Variants in NPAS3 observed in about 807,000 individuals in gnomAD.
NPAS3 encodes neuronal PAS domain-containing protein 3.
A neutral mutation model predicts 73.1 loss-of-function variants in NPAS3; 14 were observed. That is an observed-to-expected ratio of 0.19 (90% CI 0.13 to 0.30). The LOEUF (loss-of-function observed/expected upper bound fraction) is 0.30, where lower values mean the gene tolerates loss of function less well. NPAS3 is among the 10% of genes least tolerant of loss of function. The probability of loss-of-function intolerance (pLI) is 1.00; values close to 1 mark genes in which losing one functional copy is unlikely to be tolerated. For missense variants in NPAS3, 1,096 were observed against 1,250.0 expected, an observed-to-expected ratio of 0.88 and a Z score of 1.86; for synonymous variants, 620 against 541.5, an observed-to-expected ratio of 1.14 and a Z score of -2.01.
intron 6 of NPAS3, among the ~76,000 whole-genome samples, chr14:33,707,709 G>C (rs554148520): frequency 6.6e-6 from 1 of 152,272 alleles, no homozygotes; most frequent in South Asian, 2.1e-4. Context: ...GGCAGGAGAA[G>C]GAAGAATAAA....
At chr14:33,047,397 T>C (rs1308689949) in intron 1 of NPAS3, among the ~76,000 whole-genome samples, 1 of 152,174 alleles carries the variant, frequency 6.6e-6, no homozygotes. Flanking sequence ...GGACAGGAGC[T>C]GTAAAGAGAT....
chr14:33,668,298 A>G (rs1265737684), intron 5 of NPAS3, among the ~76,000 whole-genome samples: 1 of 152,220 alleles, frequency 6.6e-6, no homozygotes, highest in African/African-American at 2.4e-5. Context: ...CTTTGAAAAC[A>G]CTGAGGAACG....
chr14:33,760,349 C>T (rs1420972387), intron 7 of NPAS3, among the ~76,000 whole-genome samples: 2 of 152,170 alleles, frequency 1.3e-5, no homozygotes, highest in African/African-American at 4.8e-5. Flanking sequence ...TCATCTTTCC[C>T]CCTTTATCTG....
rs140615629 is a variant in NPAS3, at chr14:33,628,983, G to C, written c.559-47228G>C. Reference sequence around the variant, plus strand: ...GCAGTGGCTCACGCCTGTAATCCCAGCACTTTGGGAGGCTGAGGCGGGTGG... The same window carrying C: ...GCAGTGGCTCACGCCTGTAATCCCACCACTTTGGGAGGCTGAGGCGGGTGG... On this transcript the variant is annotated intron_variant, in intron 5 of 11. Transcript: ENST00000356141. 9.4e-3 allele frequency among the ~76,000 whole-genome samples: 1,432 copies of C among 152,138 alleles called. 45 individuals are homozygous for C. The East Asian group carries it at 0.13, about 13-fold the overall frequency.
intron 2 of NPAS3, among the ~76,000 whole-genome samples, chr14:33,159,175 T>C (rs2044758267): frequency 6.6e-6 from 1 of 151,964 alleles, no homozygotes; most frequent in Non-Finnish European, 1.5e-5. Context: ...AAAAAATAAA[T>C]AAATAAAATT....
At chr14:33,738,096 TCA>T (rs1183967160) in intron 7 of NPAS3, among the ~76,000 whole-genome samples, 1 of 152,146 alleles carries the variant, frequency 6.6e-6, no homozygotes, top group Non-Finnish European at 1.5e-5. Flanking sequence ...GCCACATGCT[TCA>T]CAGTTATTTA....
chr14:33,147,587 GTC>G (rs1566609857), intron 2 of NPAS3, among the ~76,000 whole-genome samples: 4 of 151,070 alleles, frequency 2.6e-5, no homozygotes, highest in Non-Finnish European at 5.9e-5. Flanking sequence ...CTGTTGTGGG[GTC>G]GGGGGAGGGA....
chr14:33,510,831 C>T (rs952320456), intron 4 of NPAS3, among the ~76,000 whole-genome samples: 14 of 152,044 alleles, frequency 9.2e-5, no homozygotes, highest in East Asian at 5.8e-4. Flanking sequence ...CAAGGCAAAA[C>T]GTACCCCCTC....
intron 2 of NPAS3, among the ~76,000 whole-genome samples, chr14:33,152,724 T>C (rs2044495845): frequency 6.6e-6 from 1 of 152,160 alleles, no homozygotes; most frequent in African/African-American, 2.4e-5. Context: ...GACATTCTGA[T>C]GATTGTTTAC....
chr14:33,103,250 G>A (rs1442865290), intron 2 of NPAS3, among the ~76,000 whole-genome samples: 1 of 152,098 alleles, frequency 6.6e-6, no homozygotes, highest in Non-Finnish European at 1.5e-5. Flanking sequence ...TAGAAGCCCT[G>A]ACCCTTCTAC....
intron 6 of NPAS3, among the ~76,000 whole-genome samples, chr14:33,696,360 T>C (rs1370763515): frequency 6.6e-6 from 1 of 152,218 alleles, no homozygotes; most frequent in Non-Finnish European, 1.5e-5. Context: ...GAATGTACTT[T>C]AAACACTTTG....
At chr14:33,210,476 A>G (rs2046990195) in intron 2 of NPAS3, among the ~76,000 whole-genome samples, 1 of 152,126 alleles carries the variant, frequency 6.6e-6, no homozygotes, top group Non-Finnish European at 1.5e-5. Context: ...CAGCTTCCCC[A>G]CTTCTGGGCA....
At chr14:33,022,594 G>A (rs1288246491) in intron 1 of NPAS3, among the ~76,000 whole-genome samples, 2 of 151,140 alleles carry the variant, frequency 1.3e-5, no homozygotes, top group African/African-American at 2.4e-5. Flanking sequence ...GAACCCGGGA[G>A]GCGGAGCCTG....
intron 4 of NPAS3, among the ~76,000 whole-genome samples, chr14:33,501,845 C>G (rs1221805111): frequency 6.6e-6 from 1 of 151,888 alleles, no homozygotes; most frequent in African/African-American, 2.4e-5. Flanking sequence ...GTCACAGTCT[C>G]AGGAAGTTGT....
intron 4 of NPAS3, among the ~76,000 whole-genome samples, chr14:33,511,100 C>T (rs1365254251): frequency 6.6e-6 from 1 of 152,014 alleles, no homozygotes; most frequent in Non-Finnish European, 1.5e-5. Flanking sequence ...TATTTTTCTT[C>T]AAGAAGAAAG....
chr14:33,442,276 T>C (rs2049285242), intron 4 of NPAS3, among the ~76,000 whole-genome samples: 1 of 152,166 alleles, frequency 6.6e-6, no homozygotes, highest in Non-Finnish European at 1.5e-5. Context: ...ATCTCAGTCA[T>C]AAGAATGACA....
At position 33,333,988 on chromosome 14, in the gene NPAS3, A is replaced by T. The variant is rs376444456; in HGVS notation, c.386-33198A>T. Among the ~76,000 whole-genome samples, 116 of 152,230 alleles carry T rather than the reference A, an allele frequency of 7.6e-4. 2 individuals carry two copies. The highest frequency in any genetic ancestry group is 2.7e-3 in the African/African-American group (114 of 41,548). On this transcript the variant is annotated intron_variant, in intron 3 of 11. Transcript: ENST00000356141. Reference sequence around the variant, plus strand: ...TTGAATCAAAGTATCATGTAAATGGAAGAGAGAAATCTTAGGTAGATTATA... The same window carrying T: ...TTGAATCAAAGTATCATGTAAATGGTAGAGAGAAATCTTAGGTAGATTATA...
intron 6 of NPAS3, among the ~76,000 whole-genome samples, chr14:33,719,333 C>CCA (rs1328329936): frequency 6.6e-6 from 1 of 152,062 alleles, no homozygotes. Context: ...CTTGATCCAC[C>CCA]CAGTAAGCCT....
chr14:33,566,187 T>C lies in NPAS3; in HGVS notation c.558+5977T>C, dbSNP rs28369004. 3.2e-3 allele frequency among the ~76,000 whole-genome samples: 482 copies of C among 152,068 alleles called. 3 individuals carry two copies. Among genetic ancestry groups the C allele is most frequent in the African/African-American group, 0.011 (470 of 41,486 alleles). ...GGTGGTGAAGGCCTACAAGGGCACT[T>C]TGAAAAGCAAATAGCGACCTGGTGA... On this transcript the variant is annotated intron_variant, in intron 5 of 11. Coordinates refer to ENST00000356141, the Ensembl canonical transcript of NPAS3.
Sources: allele counts gnomAD v4.1 joint callset (sites outside exome capture counted in the v4.1 genomes callset), GRCh38; gene constraint gnomAD v4.1.1; transcripts MANE v1.5; gene names NCBI Gene and HGNC (gene_info 2026-07-23, HGNC 2026-07-21).